Variants in DPP10 observed in about 807,000 individuals in gnomAD.
DPP10 encodes the protein dipeptidyl peptidase like 10.
A neutral mutation model predicts 120.9 loss-of-function variants in DPP10; 33 were observed. That is an observed-to-expected ratio of 0.27 (90% CI 0.21 to 0.37). The LOEUF is 0.37. Among genes scored for constraint, DPP10 ranks in the 10% least tolerant of loss-of-function variants. DPP10 has a pLI of 1.00. For missense variants in DPP10, 816 were observed against 942.8 expected (o/e 0.87, Z 1.76); for synonymous variants, 337 against 326.1 (o/e 1.03, Z -0.36).
At chr2:114,553,365 G>A (rs1000013787) in intron 1 of DPP10, among the ~76,000 whole-genome samples, 1 of 152,218 alleles carries the variant, frequency 6.6e-6, no homozygotes, top group African/African-American at 2.4e-5. Flanking sequence ...TTGAAACGCA[G>A]CTCCTTGGAG....
chr2:114,836,503 A>G (rs570850835), intron 1 of DPP10, among the ~76,000 whole-genome samples: 1 of 152,300 alleles, frequency 6.6e-6, no homozygotes, highest in African/African-American at 2.4e-5. Flanking sequence ...GTGTACGAAT[A>G]GCGTGTGGGT....
chr2:114,951,859 A>G (rs561413043), intron 1 of DPP10, among the ~76,000 whole-genome samples: 6 of 152,064 alleles, frequency 3.9e-5, no homozygotes, highest in South Asian at 2.1e-4. Flanking sequence ...CTGGTTAATT[A>G]AAATACTTCC....
At chr2:115,633,089 C>A (rs1387514214) in intron 5 of DPP10, among the ~76,000 whole-genome samples, 1 of 152,124 alleles carries the variant, frequency 6.6e-6, no homozygotes, top group Admixed American at 6.5e-5. Flanking sequence ...GGGTATATAT[C>A]CAAAGGATTA....
At chr2:115,349,242 T>A (rs935935366) in intron 3 of DPP10, among the ~76,000 whole-genome samples, 1 of 152,124 alleles carries the variant, frequency 6.6e-6, no homozygotes, top group African/African-American at 2.4e-5. Flanking sequence ...ACACAGATAT[T>A]TTAACCTGCT....
chr2:114,710,553 TG>T (rs1700960576), intron 1 of DPP10, among the ~76,000 whole-genome samples: 1 of 152,158 alleles, frequency 6.6e-6, no homozygotes, highest in South Asian at 2.1e-4. Context: ...GAGACCAGCC[TG>T]GCCAACATGG....
chr2:114,996,374 A>G (rs1343933353), intron 1 of DPP10, among the ~76,000 whole-genome samples: 1 of 152,226 alleles, frequency 6.6e-6, no homozygotes, highest in Non-Finnish European at 1.5e-5. Context: ...CATGGAGAGT[A>G]TGTCTATTTA....
intron 5 of DPP10, among the ~76,000 whole-genome samples, chr2:115,620,641 C>A (rs1392766524): frequency 6.6e-6 from 1 of 152,166 alleles, no homozygotes; most frequent in Non-Finnish European, 1.5e-5. Context: ...AAAAGCATGA[C>A]TTTTTAGTAT....
At chr2:114,598,398 C>A (rs543113497) in intron 1 of DPP10, among the ~76,000 whole-genome samples, 2 of 151,836 alleles carry the variant, frequency 1.3e-5, no homozygotes, top group East Asian at 1.9e-4. Flanking sequence ...AGATAGAGTG[C>A]AAACTGCTGC....
intron 1 of DPP10, among the ~76,000 whole-genome samples, chr2:115,011,803 G>A (rs889451657): frequency 6.6e-6 from 1 of 152,058 alleles, no homozygotes; most frequent in Non-Finnish European, 1.5e-5. Context: ...GAAAGAATTG[G>A]ATCATTGCTG....
At chr2:115,155,642 A>G (rs2051860939) in intron 1 of DPP10, among the ~76,000 whole-genome samples, 1 of 152,242 alleles carries the variant, frequency 6.6e-6, no homozygotes, top group Non-Finnish European at 1.5e-5. Context: ...AAGGCAAGGT[A>G]AGCTTGAAAT....
intron 1 of DPP10, among the ~76,000 whole-genome samples, chr2:114,504,945 G>A (rs528465874): frequency 1.5e-4 from 23 of 151,286 alleles, no homozygotes; most frequent in Admixed American, 1.2e-3. Flanking sequence ...CCAGCTACTC[G>A]GGAGGCTGAC....
chr2:115,039,295 C>T (rs920452120), intron 1 of DPP10, among the ~76,000 whole-genome samples: 8 of 152,272 alleles, frequency 5.3e-5, no homozygotes, highest in African/African-American at 1.7e-4. Flanking sequence ...ATAGGTGATA[C>T]AAGTCTATTG....
At chr2:115,288,003 A>G (rs1281706488) in intron 1 of DPP10, among the ~76,000 whole-genome samples, 3 of 152,130 alleles carry the variant, frequency 2.0e-5, no homozygotes, top group Admixed American at 6.6e-5. Flanking sequence ...TCTTTTTGGT[A>G]TAATGACTAT....
chr2:115,124,704 T>C (rs1268406406), intron 1 of DPP10, among the ~76,000 whole-genome samples: 2 of 152,272 alleles, frequency 1.3e-5, no homozygotes, highest in East Asian at 1.9e-4. Context: ...GTTTCTATCA[T>C]GTAAATTTTA....
At chr2:114,735,694 C>G (rs549911120) in intron 1 of DPP10, among the ~76,000 whole-genome samples, 1 of 152,080 alleles carries the variant, frequency 6.6e-6, no homozygotes, top group Non-Finnish European at 1.5e-5. Context: ...CCAAGAGGAA[C>G]TTTGCAGGCA....
chr2:115,263,773 T>C (rs2059349068), intron 1 of DPP10, among the ~76,000 whole-genome samples: 1 of 152,208 alleles, frequency 6.6e-6, no homozygotes, highest in Admixed American at 6.5e-5. Context: ...TTAGTATTTA[T>C]TTTCAATTGC....
chr2:115,526,554 C>A (rs1415701107), intron 5 of DPP10, among the ~76,000 whole-genome samples: 1 of 152,036 alleles, frequency 6.6e-6, no homozygotes, highest in Non-Finnish European at 1.5e-5. Flanking sequence ...ACAATTAGAG[C>A]AATATGTATG....
At chr2:114,623,497 T>C (rs1694257182) in intron 1 of DPP10, among the ~76,000 whole-genome samples, 1 of 152,104 alleles carries the variant, frequency 6.6e-6, no homozygotes, top group Non-Finnish European at 1.5e-5. Flanking sequence ...TCCTTGCAAT[T>C]TGAGGGATTT....
At chr2:115,234,439 T>G (rs2105511199) in intron 1 of DPP10, 1 of 153,520 alleles carries the variant, frequency 6.5e-6, no homozygotes, top group African/African-American at 2.4e-5. Flanking sequence ...AACGTGTTGG[T>G]TGACCTTTCT....
Sources: gnomAD v4.1 joint callset for allele counts (sites outside exome capture counted in the v4.1 genomes callset) on GRCh38, gnomAD v4.1.1 for gene constraint, MANE v1.5 for transcripts, NCBI Gene and HGNC (gene_info 2026-07-23, HGNC 2026-07-21) for gene names.